Variants in STAB2 observed in about 807,000 individuals in gnomAD.
STAB2 encodes stabilin-2.
Under a neutral mutation model 338.1 loss-of-function variants are expected in STAB2, and 288 were observed. The observed-to-expected ratio is 0.85, with a 90% CI of 0.77 to 0.94. The LOEUF (loss-of-function observed/expected upper bound fraction) is 0.94. STAB2 is among the 40% of genes least tolerant of loss of function. STAB2 has a pLI of 0.00. For missense variants in STAB2, 3,141 were observed against 3,210.1 expected, an observed-to-expected ratio of 0.98 and a Z score of 0.52; for synonymous variants, 1,202 against 1,193.3, an observed-to-expected ratio of 1.01 and a Z score of -0.15.
intron 33 of STAB2, among the ~76,000 whole-genome samples, chr12:103,698,499 A>AT (rs1462069692): frequency 6.6e-6 from 1 of 152,074 alleles, no homozygotes; most frequent in Non-Finnish European, 1.5e-5. Flanking sequence ...GAGCCTGCCC[A>AT]TCCAGGCTGA....
At chr12:103,593,294 T>A (rs1956827570) in intron 2 of STAB2, among the ~76,000 whole-genome samples, 1 of 152,184 alleles carries the variant, frequency 6.6e-6, no homozygotes, top group South Asian at 2.1e-4. Context: ...CAGTGTACAG[T>A]TGTTCCCTTT....
chr12:103,735,373 GTTA>G lies in STAB2; in HGVS notation c.5461-113_5461-111del, dbSNP rs959683162. 6.8e-5 allele frequency: 40 copies of G among 588,510 alleles called. No individual in the cohort carries two copies. The East Asian group carries it at 1.1e-3, about 16-fold the overall frequency. 36.5% of individuals were successfully genotyped at this position (588,510 alleles called of 1,614,324 possible). On this transcript the variant is annotated intron_variant, in intron 51 of 68. Transcript: ENST00000388887. Reference sequence around the variant, plus strand: ...ACCTACGGTCATTTGTAAAGCTAAAGTTATTATAACTCGTGGAAAAATTTGCAT... The same window carrying G: ...ACCTACGGTCATTTGTAAAGCTAAAGTTATAACTCGTGGAAAAATTTGCAT...
At position 103,734,233 on chromosome 12, in the gene STAB2, C is replaced by CG. The variant is rs1881908478; in HGVS notation, c.5460+1051_5460+1052insG. On this transcript the variant is annotated intron_variant, in intron 51 of 68. Coordinates refer to ENST00000388887, the MANE Select transcript of STAB2 (RefSeq NM_017564.10). ...GCAAGCACGATCACATAGGAGCAAA[C>CG]ATCATAAAGGAGCAAGCATGATCAC... Among the ~76,000 whole-genome samples the CG allele has an allele frequency of 6.9e-5, 10 of 144,504 alleles. No individual in the cohort carries two copies. The South Asian group carries it at 1.3e-3, about 19-fold the overall frequency. 94.8% of individuals were successfully genotyped at this position (144,504 alleles called of 152,430 possible). A position where few individuals can be genotyped will look rare whatever the true frequency, so the allele number is the denominator to read the frequency against.
At chr12:103,682,688 G>A (rs1165201988) in intron 25 of STAB2, among the ~76,000 whole-genome samples, 2 of 152,158 alleles carry the variant, frequency 1.3e-5, no homozygotes, top group Non-Finnish European at 2.9e-5. Context: ...GGTGGCTCAT[G>A]CCTGTAATCC....
At chr12:103,705,851 C>G in intron 37 of STAB2, 124 bp downstream of exon 37, 1 of 856,884 alleles carries the variant, frequency 1.2e-6, no homozygotes, top group Non-Finnish European at 1.9e-6. Context: ...TTGTTACCTG[C>G]ATTATCATTG....
intron 53 of STAB2, among the ~76,000 whole-genome samples, chr12:103,738,359 G>A (rs967841138): frequency 3.3e-5 from 5 of 152,154 alleles, no homozygotes; most frequent in Admixed American, 2.0e-4. Context: ...CACCTTTACT[G>A]AGTACTCCCC....
intron 11 of STAB2, 82 bp downstream of exon 11, chr12:103,650,660 A>G: frequency 8.6e-7 from 1 of 1,166,520 alleles, no homozygotes; most frequent in South Asian, 1.4e-5. Context: ...TTAAAGTGGG[A>G]AATCCCCATT....
intron 52 of STAB2, among the ~76,000 whole-genome samples, chr12:103,736,209 G>A (rs890659168): frequency 6.6e-5 from 10 of 152,184 alleles, no homozygotes; most frequent in African/African-American, 2.4e-4. Context: ...GTGGAGAGGT[G>A]CCTTCTCTTT....
chr12:103,757,122 T>C (rs1188710751), intron 63 of STAB2, among the ~76,000 whole-genome samples: 1 of 151,662 alleles, frequency 6.6e-6, no homozygotes, highest in African/African-American at 2.4e-5. Flanking sequence ...AGAGTCTTGT[T>C]GTGTTGCCCA....
At position 103,725,075 on chromosome 12, in the gene STAB2, G is replaced by A; in HGVS notation, c.4784G>A (p.Cys1595Tyr). ...AACTACATTGGAGATGGATTTACCT[G>A]CCGCGGCAGCATTTATCAGGTAACG... ...KPNYIGDGFT[C>Y]RGSIYQELPK... The change falls in exon 45 of 69, where the codon TGC becomes TAC. Residue 1595 changes from cysteine to tyrosine, a missense_variant. By Grantham distance (194) the Cys-to-Tyr change is radical (BLOSUM62 -2). Coordinates refer to ENST00000388887, the MANE Select transcript of STAB2 (RefSeq NM_017564.10). 6.2e-7 allele frequency: 1 copy of A among 1,613,092 alleles called. No individual in the cohort carries two copies. The highest frequency in any genetic ancestry group is 8.5e-7 in the Non-Finnish European group (1 of 1,179,160).
chr12:103,600,392 A>G (rs75573443), intron 3 of STAB2, among the ~76,000 whole-genome samples: 10,420 of 152,298 alleles, frequency 0.068, 405 homozygotes, highest in East Asian at 0.12. Flanking sequence ...ACAACAAAAT[A>G]CTATAGACTG....
chr12:103,749,343 C>T (rs1478499978), intron 59 of STAB2, among the ~76,000 whole-genome samples, 187 bp downstream of exon 59: 2 of 152,108 alleles, frequency 1.3e-5, no homozygotes, highest in East Asian at 3.9e-4. Context: ...AAAAGGACGT[C>T]CATGGAAAAC....
At chr12:103,608,001 C>T (rs1957059590) in intron 3 of STAB2, among the ~76,000 whole-genome samples, 1 of 152,176 alleles carries the variant, frequency 6.6e-6, no homozygotes, top group Admixed American at 6.5e-5. Context: ...ACAGTCCCAC[C>T]AACTGTGTAA....
intron 24 of STAB2, 37 bp downstream of exon 24, chr12:103,676,058 CTTTT>C (rs35874368): frequency 5.6e-3 from 3,717 of 665,246 alleles, no homozygotes; most frequent in Middle Eastern, 6.9e-3. Flanking sequence ...TGCCTGGTTT[CTTTT>C]TTTTTTTTTT....
chr12:103,721,986 T>C (rs1174686218), intron 44 of STAB2, among the ~76,000 whole-genome samples: 1 of 152,222 alleles, frequency 6.6e-6, no homozygotes, highest in Non-Finnish European at 1.5e-5. Context: ...TTGAGTGAAA[T>C]ATCAACAGGT....
intron 5 of STAB2, among the ~76,000 whole-genome samples, chr12:103,631,379 A>G (rs968255402): frequency 6.6e-6 from 1 of 151,770 alleles, no homozygotes; most frequent in Non-Finnish European, 1.5e-5. Context: ...CTTTATATAC[A>G]TTATGTTACT....
chr12:103,733,782 T>C (rs1010264248), intron 51 of STAB2, among the ~76,000 whole-genome samples: 2 of 151,530 alleles, frequency 1.3e-5, no homozygotes, highest in African/African-American at 2.4e-5. Flanking sequence ...TAGGAACATA[T>C]ATGATCATAT....
intron 34 of STAB2, among the ~76,000 whole-genome samples, chr12:103,702,732 C>G (rs1219109523): frequency 6.6e-6 from 1 of 152,244 alleles, no homozygotes; most frequent in Non-Finnish European, 1.5e-5. Flanking sequence ...GCACTACCAC[C>G]TCCAGAACCA....
At chr12:103,761,673 C>T (rs974520552) in intron 66 of STAB2, among the ~76,000 whole-genome samples, 3 of 152,088 alleles carry the variant, frequency 2.0e-5, no homozygotes, top group African/African-American at 7.2e-5. Context: ...CCAAAGGAAG[C>T]GCTGGAAGGG....
Sources: gnomAD v4.1 joint callset for allele counts (sites outside exome capture counted in the v4.1 genomes callset) on GRCh38, gnomAD v4.1.1 for gene constraint, MANE v1.5 for transcripts, NCBI Gene and HGNC (gene_info 2026-07-23, HGNC 2026-07-21) for gene names.